The following PRDM7 variants were observed in gnomAD, a reference collection of about 807,000 sequenced individuals.
PRDM7 encodes the protein PR/SET domain 7.
Under a neutral mutation model 64.3 loss-of-function variants are expected in PRDM7, and 52 were observed. That is an observed-to-expected ratio of 0.81 (90% CI 0.65 to 1.02). PRDM7 has a LOEUF of 1.02. Ranked by LOEUF, PRDM7 falls within the 50% of genes least tolerant of loss-of-function variation. The probability of loss-of-function intolerance (pLI) is 0.00; values close to 1 mark genes in which losing one functional copy is unlikely to be tolerated. For synonymous variants in PRDM7, 192 were observed against 210.1 expected (o/e 0.91, Z 0.74); for missense variants, 574 against 597.1 (o/e 0.96, Z 0.40).
chr16:90,057,974 C>CT lies in PRDM7; in HGVS notation c.*314dup. On this transcript the variant is annotated 3_prime_UTR_variant, in exon 11 of 11. Transcript: ENST00000449207. Reference sequence around the variant, plus strand: ...CTCCCCTGTGTGTGTCCTCTGGTGACTGAGGAGGTCTGACTTCCGGCTAAA... The same window carrying CT: ...CTCCCCTGTGTGTGTCCTCTGGTGACTTGAGGAGGTCTGACTTCCGGCTAAA... The CT allele has an allele frequency of 6.2e-7, 1 of 1,601,970 alleles. No homozygotes were observed. Among genetic ancestry groups the CT allele is most frequent in the African/African-American group, 1.3e-5 (1 of 74,260 alleles).
chr16:90,064,453 G>A (rs1597686269), intron 5 of PRDM7, among the ~76,000 whole-genome samples: 2 of 152,186 alleles, frequency 1.3e-5, no homozygotes. Context: ...TTGCTCTGTT[G>A]CCTAGGCTGG....
Position 90,063,643 on chromosome 16 carries a change from A to G in PRDM7, c.477T>C (p.Ser159=). 6.2e-7 allele frequency: 1 copy of G among 1,613,890 alleles called. No individual in the cohort carries two copies. Among genetic ancestry groups the G allele is most frequent in the Non-Finnish European group, 8.5e-7 (1 of 1,180,006 alleles). The change falls in exon 6 of 11, where the codon AGT becomes AGC. Residue 159 remains serine, a synonymous_variant. Coordinates refer to ENST00000449207, the MANE Select transcript of PRDM7 (RefSeq NM_001098173.2). ...TTAGTCTAGAGTGCTGTCCAGAGGT[A>G]CTTGCTTCTCCAGGAGGGGACACTG... is the stretch of plus-strand genomic sequence containing the variant. ...QKPVSPPGEA[S]TSGQHSRLKL...
chr16:90,062,920 G>C (rs1460008992), intron 6 of PRDM7, among the ~76,000 whole-genome samples: 2 of 152,128 alleles, frequency 1.3e-5, no homozygotes. Flanking sequence ...ACGCACAAAA[G>C]AATATATATT....
chr16:90,069,923 T>G (rs2037932240), intron 4 of PRDM7: 1 of 156,416 alleles, frequency 6.4e-6, no homozygotes. Context: ...GGTGTGGTGG[T>G]GTGTGCCTGT....
At position 90,057,857 on chromosome 16, in the gene PRDM7, A is replaced by G. The variant is rs771365633; in HGVS notation, c.*432T>C. 9.8e-5 allele frequency: 149 copies of G among 1,522,632 alleles called. No homozygotes were observed. The highest frequency in any genetic ancestry group is 1.3e-4 in the Non-Finnish European group (143 of 1,121,674). 94.3% of individuals were successfully genotyped at this position (1,522,632 alleles called of 1,614,324 possible). ...AATGACTTACTCATCCTTCCTGCAG[A>G]CTGGGGCGTCTCCCCTGTGTGTCCT... On this transcript the variant is annotated 3_prime_UTR_variant, in exon 11 of 11. Coordinates refer to ENST00000449207, the MANE Select transcript of PRDM7 (RefSeq NM_001098173.2).
At chr16:90,066,749 A>C in intron 5 of PRDM7, 112 bp downstream of exon 5, 1 of 951,892 alleles carries the variant, frequency 1.1e-6, no homozygotes, top group South Asian at 1.3e-5. Context: ...CGCTAAAGAG[A>C]TCAGGAGAGG....
At chr16:90,061,900 G>T (rs2037784025) in intron 8 of PRDM7, 21 bp downstream of exon 8, 1 of 1,614,164 alleles carries the variant, frequency 6.2e-7, no homozygotes, top group African/African-American at 1.3e-5. Context: ...CAGAACAGGG[G>T]AAACAGCAGG....
rs369424086 is a variant in PRDM7 at position 90,061,587 on chromosome 16, G to A, written c.883-68C>T. 38 of 1,511,486 alleles carry A rather than the reference G, an allele frequency of 2.5e-5. No individual in the cohort carries two copies. In the African/African-American group the frequency reaches 3.9e-4, roughly 15 times the overall value. The allele number at this position is 1,511,486 out of a possible 1,614,324, so 93.6% of individuals were successfully genotyped here. A position where few individuals can be genotyped will look rare whatever the true frequency, so the allele number is the denominator to read the frequency against. On this transcript the variant is annotated intron_variant, in intron 8 of 10. Coordinates refer to ENST00000449207, the MANE Select transcript of PRDM7 (RefSeq NM_001098173.2). Reference sequence around the variant, plus strand: ...AATCCGAAGAATTATTTTACTCCACGGTCATCAATGGCCTTTGGACCTGCA... The same window carrying A: ...AATCCGAAGAATTATTTTACTCCACAGTCATCAATGGCCTTTGGACCTGCA...
At chr16:90,063,256 G>C (rs2037812781) in intron 6 of PRDM7, among the ~76,000 whole-genome samples, 1 of 152,118 alleles carries the variant, frequency 6.6e-6, no homozygotes, top group South Asian at 2.1e-4. Flanking sequence ...GACCGGCCTG[G>C]TCAACATGGT....
chr16:90,058,583 C>A, intron 10 of PRDM7, 49 bp from the exon 11 acceptor site: 1 of 1,569,540 alleles, frequency 6.4e-7, no homozygotes, highest in South Asian at 1.1e-5. Context: ...TCAGGCCTTA[C>A]TACATATGAA....
In PRDM7 at chr16:90,061,488, A is replaced by T. The variant is rs556103174; in HGVS notation, c.914T>A (p.Val305Glu). The change falls in exon 9 of 11, where the codon GTG becomes GAG. Residue 305 changes from valine to glutamate, a missense_variant. Coordinates refer to ENST00000449207, the MANE Select transcript of PRDM7 (RefSeq NM_001098173.2). ...ITKGRNCYEYVDGKDKSSANW... is the reference protein window; with the variant it reads ...ITKGRNCYEYEDGKDKSSANW... ...GGCCGAGGATTTATCTTTTCCATCC[A>T]CATACTCATAGCAGTTTCTCCCCTT... The T allele has an allele frequency of 1.2e-6, 2 of 1,606,470 alleles. No individual in the cohort carries two copies. The highest frequency in any genetic ancestry group is 2.2e-5 in the South Asian group (2 of 90,934).
rs1490856824 is a variant in PRDM7 at position 90,075,812 on chromosome 16, G to A, written c.69+30C>T. The A allele has an allele frequency of 6.2e-7, 1 of 1,607,698 alleles. No individual in the cohort carries two copies. Among genetic ancestry groups the A allele is most frequent in the Non-Finnish European group, 8.5e-7 (1 of 1,175,482 alleles). On this transcript the variant is annotated intron_variant, in intron 2 of 10. Transcript: ENST00000449207. The surrounding 1 kb of genome is among the most constrained non-coding windows in gnomAD (Gnocchi z 4.3). Reference sequence around the variant, plus strand: ...CACTCCAGAGATCAGCTCCTGCTGGGAGTCTGGCTTCGCCTCCCCGACTTC... The same window carrying A: ...CACTCCAGAGATCAGCTCCTGCTGGAAGTCTGGCTTCGCCTCCCCGACTTC...
intron 4 of PRDM7, among the ~76,000 whole-genome samples, chr16:90,067,590 T>C (rs977566183): frequency 9.8e-5 from 10 of 102,128 alleles, no homozygotes; most frequent in Non-Finnish European, 1.4e-4. Context: ...AGAAAAGCCC[T>C]TTTTTTTTTT....
rs566587594 is a variant in PRDM7 at position 90,073,554 on chromosome 16, C to T, written c.301+1362G>A. 7.9e-5 allele frequency among the ~76,000 whole-genome samples: 12 copies of T among 152,116 alleles called. No homozygotes were observed. The East Asian group carries it at 2.3e-3, about 29-fold the overall frequency. The stretch of plus-strand genomic sequence containing the variant: ...AGCTGGGACTACAGGTGCCCGCCAC[C>T]GTGCCTGGCTAATTTTTTGTATTTT... On this transcript the variant is annotated intron_variant, in intron 4 of 10. Transcript: ENST00000449207.
At chr16:90,074,283 GTCATCATCATCATCATCA>G (rs59691191) in intron 4 of PRDM7, among the ~76,000 whole-genome samples, 5 of 147,972 alleles carry the variant, frequency 3.4e-5, no homozygotes, top group African/African-American at 1.0e-4. Flanking sequence ...AATCATCATC[GTCATCATCATCATCATCA>G]TCATCATCAT....
At chr16:90,066,285 T>C (rs2037870983) in intron 5 of PRDM7, among the ~76,000 whole-genome samples, 1 of 151,188 alleles carries the variant, frequency 6.6e-6, no homozygotes, top group Non-Finnish European at 1.5e-5. Flanking sequence ...ACAGTATGAA[T>C]TGTCTATTTA....
At chr16:90,060,225 G>A (rs1419612906) in intron 10 of PRDM7, 116 bp downstream of exon 10, 7 of 1,479,788 alleles carry the variant, frequency 4.7e-6, no homozygotes, top group Middle Eastern at 1.7e-4. Flanking sequence ...AGCCACTGAT[G>A]TAAAATTTTA....
At chr16:90,070,999 G>T (rs1247043235) in intron 4 of PRDM7, among the ~76,000 whole-genome samples, 1 of 152,234 alleles carries the variant, frequency 6.6e-6, no homozygotes, top group East Asian at 1.9e-4. Context: ...TGTTATGATA[G>T]CCTCTGTCAA....
chr16:90,065,529 G>A (rs1173994211), intron 5 of PRDM7, among the ~76,000 whole-genome samples: 1 of 151,056 alleles, frequency 6.6e-6, no homozygotes, highest in Admixed American at 6.6e-5. Context: ...GAGCCCAGGA[G>A]TTCAAGACCA....
Sources: allele counts gnomAD v4.1 joint callset (sites outside exome capture counted in the v4.1 genomes callset), GRCh38; gene constraint gnomAD v4.1.1; non-coding constraint Gnocchi (gnomAD v3.1); transcripts MANE v1.5; gene names NCBI Gene and HGNC (gene_info 2026-07-23, HGNC 2026-07-21).